The following CCDC91 variants were observed in gnomAD, a reference collection of about 807,000 sequenced individuals.
The protein encoded by CCDC91 is coiled-coil domain-containing protein 91.
CCDC91 carries 48 observed loss-of-function variants against 63.2 expected under a neutral mutation model. That is an observed-to-expected ratio of 0.76 (90% CI 0.60 to 0.97). The LOEUF (loss-of-function observed/expected upper bound fraction) is 0.97. Ranked by LOEUF, CCDC91 falls within the 50% of genes least tolerant of loss-of-function variation. The pLI, the probability that CCDC91 is intolerant of heterozygous loss-of-function variation, is 0.00. For synonymous variants in CCDC91, 167 were observed against 165.8 expected, an observed-to-expected ratio of 1.01 and a Z score of -0.06; for missense variants, 500 against 494.6, an observed-to-expected ratio of 1.01 and a Z score of -0.10.
At chr12:28,394,456 T>C (rs1472462581) in intron 8 of CCDC91, among the ~76,000 whole-genome samples, 2 of 150,938 alleles carry the variant, frequency 1.3e-5, no homozygotes, top group African/African-American at 4.9e-5. Context: ...ACAGAGAGTC[T>C]GTCTCAAAAA....
chr12:28,378,131 T>G (rs1231753364), intron 7 of CCDC91, among the ~76,000 whole-genome samples: 1 of 152,082 alleles, frequency 6.6e-6, no homozygotes, highest in Non-Finnish European at 1.5e-5. Flanking sequence ...ACATACACTT[T>G]AGTAGCTCTA....
chr12:28,380,391 A>G (rs1945226344), intron 7 of CCDC91, among the ~76,000 whole-genome samples: 3 of 152,096 alleles, frequency 2.0e-5, no homozygotes, highest in South Asian at 2.1e-4. Context: ...TTCCCTCTCA[A>G]TAATTTTTCA....
chr12:28,503,271 G>A (rs1043339587), intron 12 of CCDC91, among the ~76,000 whole-genome samples: 26 of 152,204 alleles, frequency 1.7e-4, no homozygotes, highest in Admixed American at 8.5e-4. Context: ...AAAAGTGGGC[G>A]AAGGACATGA....
chr12:28,534,497 A>C (rs1482606296), intron 12 of CCDC91, among the ~76,000 whole-genome samples: 2 of 152,132 alleles, frequency 1.3e-5, no homozygotes, highest in Admixed American at 1.3e-4. Context: ...ATTTTGTCCC[A>C]TTGTTTGATG....
intron 6 of CCDC91, among the ~76,000 whole-genome samples, chr12:28,333,997 GCTTAT>G (rs1400235636): frequency 2.0e-5 from 3 of 151,884 alleles, no homozygotes; most frequent in Non-Finnish European, 4.4e-5. Flanking sequence ...AGACTTCTGT[GCTTAT>G]CTTTTATTTG....
At chr12:28,418,850 T>C (rs558904794) in intron 8 of CCDC91, among the ~76,000 whole-genome samples, 3 of 152,220 alleles carry the variant, frequency 2.0e-5, no homozygotes, top group Admixed American at 2.0e-4. Flanking sequence ...ATTCTGGCCA[T>C]TATGAAATTT....
chr12:28,293,663 C>G (rs1949378636), intron 3 of CCDC91, among the ~76,000 whole-genome samples: 2 of 151,818 alleles, frequency 1.3e-5, no homozygotes, highest in Non-Finnish European at 2.9e-5. Flanking sequence ...AAGTTTTCAT[C>G]TCTCTGTCTC....
intron 12 of CCDC91, among the ~76,000 whole-genome samples, chr12:28,540,834 T>C (rs149626222): frequency 1.0e-3 from 154 of 152,196 alleles, no homozygotes; most frequent in African/African-American, 3.3e-3. Context: ...CATATTCTCT[T>C]GGATTGCTTA....
chr12:28,382,007 A>G (rs1308604830), intron 7 of CCDC91, among the ~76,000 whole-genome samples: 1 of 152,040 alleles, frequency 6.6e-6, no homozygotes, highest in East Asian at 1.9e-4. Flanking sequence ...CCTTAATGTA[A>G]TCACATCTGT....
In CCDC91 at chr12:28,304,875, G is replaced by A. The variant is rs74647609; in HGVS notation, c.110-774G>A. The stretch of plus-strand genomic sequence containing the variant: ...CGACATGTTTATCTTGCTTATATCC[G>A]TACTTTTGTCCTATGTCATACTTGA... On this transcript the variant is annotated intron_variant, in intron 3 of 12. Coordinates refer to ENST00000536442, the MANE Select transcript of CCDC91 (RefSeq NM_018318.5). 2.4e-3 allele frequency among the ~76,000 whole-genome samples: 364 copies of A among 152,032 alleles called. 2 individuals carry two copies. Among genetic ancestry groups the A allele is most frequent in the African/African-American group, 8.2e-3 (339 of 41,496 alleles).
At chr12:28,324,571 A>G (rs1306608683) in intron 6 of CCDC91, among the ~76,000 whole-genome samples, 1 of 151,922 alleles carries the variant, frequency 6.6e-6, no homozygotes, top group Non-Finnish European at 1.5e-5. Flanking sequence ...TTCAAATCCG[A>G]TCATTTTATT....
rs1483683997 is a variant in CCDC91, at chr12:28,469,041, C to T, written c.1102-15011C>T. ...TAGATCTGGAACACAACAGGGATGC[C>T]ACTGTCATCACTCTTATTCATCGTA... On this transcript the variant is annotated intron_variant, in intron 11 of 12. Coordinates refer to ENST00000536442, the MANE Select transcript of CCDC91 (RefSeq NM_018318.5). Among the ~76,000 whole-genome samples, 5 of 152,026 alleles carry T rather than the reference C, an allele frequency of 3.3e-5. No homozygotes were observed. In the East Asian group the frequency reaches 7.7e-4, roughly 23 times the overall value.
chr12:28,491,056 A>T (rs1951975081), intron 12 of CCDC91, among the ~76,000 whole-genome samples: 1 of 151,826 alleles, frequency 6.6e-6, no homozygotes, highest in African/African-American at 2.4e-5. Context: ...ATGTATGTAC[A>T]CATAAAAACT....
intron 6 of CCDC91, among the ~76,000 whole-genome samples, chr12:28,311,504 T>C (rs892071593): frequency 6.6e-6 from 1 of 151,988 alleles, no homozygotes; most frequent in African/African-American, 2.4e-5. Context: ...AAATCTAGGC[T>C]CAGTACTCGG....
At chr12:28,532,637 TATATC>T (rs1941834291) in intron 12 of CCDC91, among the ~76,000 whole-genome samples, 2 of 152,054 alleles carry the variant, frequency 1.3e-5, no homozygotes, top group South Asian at 4.1e-4. Flanking sequence ...ATACATAGGT[TATATC>T]AGAAAGAGTA....
intron 1 of CCDC91, among the ~76,000 whole-genome samples, chr12:28,249,606 C>T (rs1490116101): frequency 1.3e-5 from 2 of 152,128 alleles, no homozygotes; most frequent in Non-Finnish European, 2.9e-5. Flanking sequence ...TTTGAAGGCA[C>T]CAAGTTCCCA....
intron 11 of CCDC91, among the ~76,000 whole-genome samples, chr12:28,466,604 G>A (rs770246062): frequency 6.6e-6 from 1 of 152,060 alleles, no homozygotes; most frequent in Non-Finnish European, 1.5e-5. Context: ...CCCTAGAATA[G>A]TACATTCAGC....
chr12:28,243,666 C>G (rs1945506778), intron 1 of CCDC91, among the ~76,000 whole-genome samples: 1 of 151,926 alleles, frequency 6.6e-6, no homozygotes, highest in African/African-American at 2.4e-5. Context: ...TAACATAAAT[C>G]AGAGATTAAA....
intron 6 of CCDC91, among the ~76,000 whole-genome samples, chr12:28,361,338 C>A (rs531778897): frequency 1.3e-5 from 2 of 152,084 alleles, no homozygotes; most frequent in African/African-American, 4.8e-5. Flanking sequence ...CCACTCCCCC[C>A]ACCCCACAAC....
Sources: gnomAD v4.1 joint callset for allele counts (sites outside exome capture counted in the v4.1 genomes callset) on GRCh38, gnomAD v4.1.1 for gene constraint, MANE v1.5 for transcripts, NCBI Gene and HGNC (gene_info 2026-07-23, HGNC 2026-07-21) for gene names.